SASH1: variants seen among roughly 807,000 people sequenced by gnomAD.
SASH1 encodes the protein SAM and SH3 domain-containing protein 1.
SASH1 carries 44 observed loss-of-function variants against 125.2 expected under a neutral mutation model. That is an observed-to-expected ratio of 0.35 (90% CI 0.28 to 0.45). The LOEUF is 0.45. Among genes scored for constraint, SASH1 ranks in the 20% least tolerant of loss-of-function variants. The pLI is 1.00. For missense variants in SASH1, 1,426 were observed against 1,614.5 expected (o/e 0.88, Z 2.00); for synonymous variants, 639 against 649.1 (o/e 0.98, Z 0.24).
chr6:148,400,730 G>A (rs1373531082), intron 2 of SASH1, among the ~76,000 whole-genome samples: 3 of 152,024 alleles, frequency 2.0e-5, no homozygotes, highest in South Asian at 2.1e-4. Flanking sequence ...CAGCCTGGGC[G>A]ACAGAGTGAG....
chr6:148,381,386 G>C (rs749301220), intron 1 of SASH1, among the ~76,000 whole-genome samples: 1 of 152,122 alleles, frequency 6.6e-6, no homozygotes, highest in Admixed American at 6.6e-5. Context: ...TGTTTCTGCC[G>C]CGACTTTAAC....
At chr6:148,407,377 A>G (rs566015770) in intron 2 of SASH1, among the ~76,000 whole-genome samples, 174 of 152,212 alleles carry the variant, frequency 1.1e-3, no homozygotes, top group African/African-American at 3.6e-3. Context: ...TTATGCCCTC[A>G]GCGTTCATCT....
At chr6:148,295,495 C>T (rs1302047477) in intron 1 of SASH1, among the ~76,000 whole-genome samples, 2 of 152,186 alleles carry the variant, frequency 1.3e-5, no homozygotes, top group African/African-American at 4.8e-5. Flanking sequence ...GGTTTCTGTT[C>T]TTAACTCAGC....
chr6:148,245,814 C>T, the SASH1 span, among the ~76,000 whole-genome samples: 3 of 151,742 alleles, frequency 2.0e-5, no homozygotes, highest in Admixed American at 6.6e-5. Context: ...AGTGAAACCC[C>T]GTCTGTACTA....
At chr6:148,330,007 C>T (rs1024592951) in intron 1 of SASH1, among the ~76,000 whole-genome samples, 4 of 152,134 alleles carry the variant, frequency 2.6e-5, no homozygotes, top group African/African-American at 9.7e-5. Context: ...CCTCAGGGCT[C>T]CACCATGCAT....
chr6:148,458,018 T>G (rs768984319), intron 4 of SASH1, among the ~76,000 whole-genome samples: 3 of 152,214 alleles, frequency 2.0e-5, no homozygotes, highest in Non-Finnish European at 2.9e-5. Context: ...TATCAAACTG[T>G]TATGATTATA....
chr6:148,261,318 G>A, the SASH1 span, among the ~76,000 whole-genome samples: 7 of 152,174 alleles, frequency 4.6e-5, no homozygotes, highest in East Asian at 1.9e-4. Context: ...GAATTGTGTC[G>A]CTTTGACTCT....
In SASH1 at chr6:148,527,860, A is replaced by G. The variant is rs2159965; in HGVS notation, c.1428+264A>G. On this transcript the variant is annotated intron_variant, in intron 12 of 19. Coordinates refer to ENST00000367467, the MANE Select transcript of SASH1 (RefSeq NM_015278.5). Reference sequence around the variant, plus strand: ...GTACAGACAAGAGAGACAGACATGTAAAGAAATGGTTATTCTTCAGTGCAC... The same window carrying G: ...GTACAGACAAGAGAGACAGACATGTGAAGAAATGGTTATTCTTCAGTGCAC... 0.88 allele frequency among the ~76,000 whole-genome samples: 133,642 copies of G among 152,244 alleles called. 58,767 individuals are homozygous for G. The highest frequency in any genetic ancestry group is 0.89 in the African/African-American group (37,013 of 41,520).
intron 1 of SASH1, among the ~76,000 whole-genome samples, chr6:148,387,572 CT>C (rs1783446935): frequency 1.9e-4 from 1 of 5,182 alleles, no homozygotes; most frequent in Non-Finnish European, 3.4e-4. Flanking sequence ...TTTTCTCTTT[CT>C]TTCTTTCTTT....
Position 148,519,658 on chromosome 6 carries a change from C to G in SASH1, c.974C>G (p.Pro325Arg). The G allele has an allele frequency of 6.2e-7, 1 of 1,614,116 alleles. No individual in the cohort carries two copies. The highest frequency in any genetic ancestry group is 8.5e-7 in the Non-Finnish European group (1 of 1,180,038). ...TTTGATGGCTCTCCTGAGAAACCTCCCGAAGATGACTCAGACTCTCTCACC... is the reference window on the plus strand; with the variant it reads ...TTTGATGGCTCTCCTGAGAAACCTCGCGAAGATGACTCAGACTCTCTCACC... ...LFFDGSPEKP[P>R]EDDSDSLTTS... Residue 325 changes from proline to arginine, a missense_variant, in exon 10 of 20, where the codon CCC becomes CGC. By Grantham distance (103) the Pro-to-Arg change is moderately radical. Transcript: ENST00000367467. This position sits in a 1 kb window ranked among gnomAD's most constrained non-coding sequence, Gnocchi z 4.8.
intron 4 of SASH1, among the ~76,000 whole-genome samples, chr6:148,456,723 A>G (rs1287679913): frequency 2.6e-5 from 4 of 151,768 alleles, no homozygotes; most frequent in African/African-American, 9.7e-5. Context: ...TTAGCTGGAC[A>G]TGGTGGTGCG....
intron 2 of SASH1, among the ~76,000 whole-genome samples, chr6:148,397,863 A>G (rs933252126): frequency 6.6e-6 from 1 of 152,240 alleles, no homozygotes; most frequent in Non-Finnish European, 1.5e-5. Flanking sequence ...AATCACAGAC[A>G]AAATATGTAT....
chr6:148,323,256 C>T (rs993417521), intron 1 of SASH1, among the ~76,000 whole-genome samples: 1 of 152,040 alleles, frequency 6.6e-6, no homozygotes, highest in Non-Finnish European at 1.5e-5. Context: ...GTGATCTGCC[C>T]GCCTCGGCCT....
chr6:148,507,772 C>T (rs868588426), intron 8 of SASH1, among the ~76,000 whole-genome samples: 18 of 152,108 alleles, frequency 1.2e-4, no homozygotes, highest in Admixed American at 8.5e-4. Context: ...TATTTTATGT[C>T]GTGTGATGTC....
intron 1 of SASH1, among the ~76,000 whole-genome samples, chr6:148,377,771 T>C (rs1782971150): frequency 6.6e-6 from 1 of 152,196 alleles, no homozygotes; most frequent in South Asian, 2.1e-4. Context: ...CTTGGTCCCA[T>C]CAAATAATAG....
Position 148,519,631 on chromosome 6 carries a change from T to A in SASH1, c.947T>A (p.Phe316Tyr), listed in dbSNP as rs766754801. 21 of 1,613,998 alleles carry A rather than the reference T, an allele frequency of 1.3e-5. No homozygotes were observed. In the African/African-American group the frequency reaches 2.5e-4, roughly 19 times the overall value. ...TCTGGCGTGCACAAGAAGCCCCTTTTCTTTGATGGCTCTCCTGAGAAACCT... is the reference window on the plus strand; with the variant it reads ...TCTGGCGTGCACAAGAAGCCCCTTTACTTTGATGGCTCTCCTGAGAAACCT... ...LYSGVHKKPL[F>Y]FDGSPEKPPE... The change falls in exon 10 of 20, where the codon TTC (phenylalanine) becomes TAC (tyrosine). Residue 316 changes from phenylalanine to tyrosine, a missense_variant. Around this residue, in one of 3 missense-constraint regions of SASH1, gnomAD observed 567 missense variants for 575.6 expected, o/e 0.99. Transcript: ENST00000367467. This position sits in a 1 kb window ranked among gnomAD's most constrained non-coding sequence, Gnocchi z 4.8.
At chr6:148,353,415 A>G (rs1359040507) in intron 1 of SASH1, among the ~76,000 whole-genome samples, 2 of 147,836 alleles carry the variant, frequency 1.4e-5, no homozygotes, top group South Asian at 2.1e-4. Context: ...TTCTGATTCT[A>G]CATGTTCAAT....
chr6:148,350,067 G>T (rs1224541468), intron 1 of SASH1, among the ~76,000 whole-genome samples: 1 of 151,748 alleles, frequency 6.6e-6, no homozygotes, highest in Non-Finnish European at 1.5e-5. Flanking sequence ...GGATGGTCTC[G>T]ATCTCCTGAC....
the SASH1 span, among the ~76,000 whole-genome samples, chr6:148,245,707 G>A: frequency 6.6e-6 from 1 of 152,056 alleles, no homozygotes; most frequent in Non-Finnish European, 1.5e-5. Flanking sequence ...TAAGCTGGGG[G>A]CCAGGTGCGG....
Sources: gnomAD v4.1 joint callset for allele counts (sites outside exome capture counted in the v4.1 genomes callset) on GRCh38, gnomAD v4.1.1 for gene constraint, gnomAD v4.1.1 regional missense constraint, Gnocchi (gnomAD v3.1) non-coding constraint, MANE v1.5 for transcripts, NCBI Gene and HGNC (gene_info 2026-07-23, HGNC 2026-07-21) for gene names.